The following VPS13B variants were observed in gnomAD, a reference collection of about 807,000 sequenced individuals.
VPS13B encodes the protein intermembrane lipid transfer protein VPS13B.
A neutral mutation model predicts 426.4 loss-of-function variants in VPS13B; 285 were observed. The observed-to-expected ratio is 0.67, with a 90% CI of 0.61 to 0.74. VPS13B has a LOEUF of 0.74. Among genes scored for constraint, VPS13B ranks in the 30% least tolerant of loss-of-function variants. The pLI is 0.00. For missense variants in VPS13B, 4,537 were observed against 4,782.6 expected, an observed-to-expected ratio of 0.95 and a Z score of 1.51; for synonymous variants, 1,676 against 1,676.4, an observed-to-expected ratio of 1.00 and a Z score of 0.01.
intron 22 of VPS13B, among the ~76,000 whole-genome samples, chr8:99,436,422 A>T (rs529864307): frequency 3.7e-4 from 57 of 152,286 alleles, no homozygotes; most frequent in Non-Finnish European, 5.0e-4. Context: ...GGTAAAATAC[A>T]TATAACATAA....
At chr8:99,768,005 G>T (rs952164364) in intron 40 of VPS13B, among the ~76,000 whole-genome samples, 2 of 152,154 alleles carry the variant, frequency 1.3e-5, no homozygotes, top group African/African-American at 4.8e-5. Flanking sequence ...CTAATTTACA[G>T]TAGAGAAAAA....
At chr8:99,409,650 A>G (rs1287792820) in intron 21 of VPS13B, among the ~76,000 whole-genome samples, 1 of 152,196 alleles carries the variant, frequency 6.6e-6, no homozygotes, top group Non-Finnish European at 1.5e-5. Flanking sequence ...ACCAAGGATC[A>G]TAACTTTCTT....
rs60731362 is a variant in VPS13B at position 99,045,400 on chromosome 8, G to GT, written c.291+6844dup. 1.0e-2 allele frequency among the ~76,000 whole-genome samples: 1,501 copies of GT among 150,736 alleles called. 13 individuals carry two copies. Among genetic ancestry groups the GT allele is most frequent in the Non-Finnish European group, 0.013 (897 of 67,678 alleles). On this transcript the variant is annotated intron_variant, in intron 3 of 61. Coordinates refer to ENST00000357162, the MANE Select transcript of VPS13B (RefSeq NM_152564.5). ...CCTTAGCCCACTTTCTGATGGGATT[G>GT]TTTTTTTTTTCTTGCTAATTTGCTT... is the stretch of plus-strand genomic sequence containing the variant.
At chr8:99,543,222 T>A (rs1412479836) in intron 30 of VPS13B, among the ~76,000 whole-genome samples, 3 of 152,204 alleles carry the variant, frequency 2.0e-5, no homozygotes, top group Non-Finnish European at 4.4e-5. Context: ...AAGGATTCCC[T>A]ATTTAATAAA....
intron 15 of VPS13B, among the ~76,000 whole-genome samples, chr8:99,169,107 T>G (rs952570782): frequency 6.6e-6 from 1 of 151,980 alleles, no homozygotes; most frequent in African/African-American, 2.4e-5. Context: ...AACTTCACAG[T>G]TGATATTAAT....
At chr8:99,604,932 A>G (rs991956139) in intron 33 of VPS13B, among the ~76,000 whole-genome samples, 2 of 152,236 alleles carry the variant, frequency 1.3e-5, no homozygotes, top group African/African-American at 4.8e-5. Flanking sequence ...CATATAGGAT[A>G]CGTGTTATAA....
chr8:99,749,730 G>T (rs905494637), intron 39 of VPS13B, among the ~76,000 whole-genome samples: 5 of 151,960 alleles, frequency 3.3e-5, no homozygotes, highest in Admixed American at 2.6e-4. Flanking sequence ...TTAAATATAT[G>T]ATTTCCTTTC....
chr8:99,233,949 C>G lies in VPS13B; in HGVS notation c.2516-40249C>G. The G allele has an allele frequency of 1.8e-5, 14 of 793,642 alleles. No homozygotes were observed. In the South Asian group the frequency reaches 1.9e-4, roughly 11 times the overall value. The allele number at this position is 793,642 out of a possible 1,614,324, so 49.2% of individuals were successfully genotyped here. A position where few individuals can be genotyped will look rare whatever the true frequency, so the allele number is the denominator to read the frequency against. On this transcript the variant is annotated intron_variant, in intron 17 of 61. Coordinates refer to ENST00000357162, the MANE Select transcript of VPS13B (RefSeq NM_152564.5). ...AGCTTCTCTGCAGCTCCAGAGTTCT[C>G]TTTTCTATGGATGTCTACCCGGGAC...
chr8:99,162,995 A>T (rs1479399598), intron 15 of VPS13B, among the ~76,000 whole-genome samples: 1 of 152,168 alleles, frequency 6.6e-6, no homozygotes, highest in African/African-American at 2.4e-5. Context: ...TTAGTTAGAT[A>T]CAGAGTTTGG....
intron 23 of VPS13B, among the ~76,000 whole-genome samples, chr8:99,457,333 G>A (rs76351646): frequency 0.019 from 2,960 of 152,256 alleles, 42 homozygotes; most frequent in Non-Finnish European, 0.031. Context: ...CGCCCAGCCA[G>A]TAATTTGTAT....
At chr8:99,449,499 T>G (rs1818084500) in intron 23 of VPS13B, among the ~76,000 whole-genome samples, 1 of 152,052 alleles carries the variant, frequency 6.6e-6, no homozygotes, top group South Asian at 2.1e-4. Flanking sequence ...AAAGATAGGA[T>G]TATCCGAAGT....
intron 22 of VPS13B, among the ~76,000 whole-genome samples, chr8:99,436,760 G>T (rs1817398960): frequency 6.6e-6 from 1 of 151,924 alleles, no homozygotes; most frequent in South Asian, 2.1e-4. Flanking sequence ...ATTTTTTTGA[G>T]ACAGAGTCTT....
At chr8:99,540,233 C>T (rs953898444) in intron 30 of VPS13B, among the ~76,000 whole-genome samples, 1 of 149,640 alleles carries the variant, frequency 6.7e-6, no homozygotes, top group Middle Eastern at 3.2e-3. Context: ...GCACCCGCCA[C>T]CATACCTGGC....
chr8:99,260,543 A>G (rs1817987961), intron 17 of VPS13B, among the ~76,000 whole-genome samples: 2 of 152,228 alleles, frequency 1.3e-5, no homozygotes, highest in African/African-American at 4.8e-5. Flanking sequence ...TCAAGGATAG[A>G]GAAAATTTAT....
At chr8:99,198,376 T>A (rs1588133549) in intron 17 of VPS13B, among the ~76,000 whole-genome samples, 1 of 152,150 alleles carries the variant, frequency 6.6e-6, no homozygotes, top group Non-Finnish European at 1.5e-5. Flanking sequence ...TTATTTTTAT[T>A]AATTGGCTTA....
intron 3 of VPS13B, among the ~76,000 whole-genome samples, chr8:99,065,292 C>T (rs932453816): frequency 6.6e-6 from 1 of 152,144 alleles, no homozygotes; most frequent in Non-Finnish European, 1.5e-5. Flanking sequence ...AATCCAGCAG[C>T]ACATCAAAAA....
chr8:99,013,706 G>A, intron 1 of VPS13B, 54 bp from the exon 2 acceptor site: 1 of 1,550,256 alleles, frequency 6.5e-7, no homozygotes. Context: ...GATAACGAAC[G>A]CTCTTTCCTT....
intron 4 of VPS13B, among the ~76,000 whole-genome samples, chr8:99,100,735 T>TA (rs1846686814): frequency 6.6e-6 from 1 of 152,176 alleles, no homozygotes; most frequent in South Asian, 2.1e-4. Context: ...CATGAATGCT[T>TA]ACGTGGTTTT....
intron 29 of VPS13B, among the ~76,000 whole-genome samples, chr8:99,512,290 G>T (rs1020647402): frequency 6.6e-6 from 1 of 152,110 alleles, no homozygotes; most frequent in African/African-American, 2.4e-5. Context: ...ACACATGAAT[G>T]GTTAAGAATA....
Sources: allele counts gnomAD v4.1 joint callset (sites outside exome capture counted in the v4.1 genomes callset), GRCh38; gene constraint gnomAD v4.1.1; transcripts MANE v1.5; gene names NCBI Gene and HGNC (gene_info 2026-07-23, HGNC 2026-07-21).